Variants in DOCK2 observed in about 807,000 individuals in gnomAD.
DOCK2 encodes dedicator of cytokinesis 2, also known as dedicator of cytokinesis protein 2.
In DOCK2, 87 loss-of-function variants were observed where a neutral mutation model predicts 248.9. The observed-to-expected ratio is 0.35, with a 90% CI of 0.29 to 0.42. The LOEUF (loss-of-function observed/expected upper bound fraction) is 0.42. Among genes scored for constraint, DOCK2 ranks in the 10% least tolerant of loss-of-function variants. DOCK2 has a pLI of 1.00. For missense variants in DOCK2, 1,747 were observed against 2,300.2 expected (o/e 0.76, Z 4.92); for synonymous variants, 805 against 821.6 (o/e 0.98, Z 0.35).
chr5:169,713,682 G>C (rs1288049230), intron 17 of DOCK2, among the ~76,000 whole-genome samples: 1 of 152,164 alleles, frequency 6.6e-6, no homozygotes, highest in Non-Finnish European at 1.5e-5. Flanking sequence ...CTTTAAGCTA[G>C]AGTCCTTATT....
chr5:169,795,331 A>G (rs1766578985), intron 25 of DOCK2, among the ~76,000 whole-genome samples: 1 of 152,124 alleles, frequency 6.6e-6, no homozygotes, highest in South Asian at 2.1e-4. Context: ...GAGTTCTAAC[A>G]TTTCTAAATA....
Position 169,867,407 on chromosome 5 carries a change from C to CTCTG in DOCK2, c.2799+26583_2799+26586dup, listed in dbSNP as rs56110833. On this transcript the variant is annotated intron_variant, in intron 27 of 51. Coordinates refer to ENST00000520908, the MANE Select transcript of DOCK2 (RefSeq NM_004946.3). ...AGCCAGGAACCATGGGTGAAAACCT[C>CTCTG]TCTGTCTGTCTGTCTGTCTGTCTGT... 3.3e-3 allele frequency among the ~76,000 whole-genome samples: 492 copies of CTCTG among 149,194 alleles called. 2 individuals carry two copies. The highest frequency in any genetic ancestry group is 0.01 in the African/African-American group (409 of 40,746).
intron 27 of DOCK2, among the ~76,000 whole-genome samples, chr5:169,848,812 A>C (rs1438450756): frequency 1.3e-5 from 2 of 152,210 alleles, no homozygotes; most frequent in Non-Finnish European, 2.9e-5. Context: ...TCAAAAAGAA[A>C]AAAGAAGGAA....
chr5:169,676,298 G>A (rs903911810), intron 6 of DOCK2, among the ~76,000 whole-genome samples: 1 of 152,176 alleles, frequency 6.6e-6, no homozygotes, highest in Non-Finnish European at 1.5e-5. Context: ...CTCTCTGCCT[G>A]TGCCTGGAAC....
intron 1 of DOCK2, among the ~76,000 whole-genome samples, chr5:169,648,009 T>C (rs868686106): frequency 6.6e-6 from 1 of 152,158 alleles, no homozygotes; most frequent in Non-Finnish European, 1.5e-5. Flanking sequence ...CTGATTTGAT[T>C]GATTTCACCA....
chr5:169,976,677 A>G (rs1295475287), intron 27 of DOCK2, among the ~76,000 whole-genome samples: 1 of 152,196 alleles, frequency 6.6e-6, no homozygotes, highest in Non-Finnish European at 1.5e-5. Context: ...GTTTCAAATG[A>G]AGAGTGTGTA....
intron 30 of DOCK2, among the ~76,000 whole-genome samples, chr5:169,998,296 T>A (rs1754717729): frequency 6.6e-6 from 1 of 152,222 alleles, no homozygotes; most frequent in South Asian, 2.1e-4. Context: ...ACATAGTAGG[T>A]CTCCTTGAGG....
intron 25 of DOCK2, among the ~76,000 whole-genome samples, chr5:169,765,089 C>CACAT (rs1764698156): frequency 6.6e-6 from 1 of 151,816 alleles, no homozygotes; most frequent in Non-Finnish European, 1.5e-5. Context: ...CACACACACA[C>CACAT]ACACACACAC....
intron 9 of DOCK2, among the ~76,000 whole-genome samples, chr5:169,690,292 A>G (rs563836794): frequency 1.4e-3 from 209 of 152,214 alleles, no homozygotes; most frequent in Non-Finnish European, 2.5e-3. Context: ...TTTTCACTAC[A>G]TTGCCTGTAT....
At chr5:169,909,456 A>G (rs2113613902) in intron 27 of DOCK2, among the ~76,000 whole-genome samples, 1 of 152,330 alleles carries the variant, frequency 6.6e-6, no homozygotes, top group South Asian at 2.1e-4. Flanking sequence ...CTTTTTGAAG[A>G]AGAAAGTCTA....
At chr5:169,887,922 A>G (rs1258440581) in intron 27 of DOCK2, among the ~76,000 whole-genome samples, 1 of 152,178 alleles carries the variant, frequency 6.6e-6, no homozygotes, top group African/African-American at 2.4e-5. Flanking sequence ...ATTGTTTTTA[A>G]TCATTGCCAA....
At chr5:169,854,791 G>T (rs1770802916) in intron 27 of DOCK2, among the ~76,000 whole-genome samples, 1 of 152,196 alleles carries the variant, frequency 6.6e-6, no homozygotes, top group African/African-American at 2.4e-5. Context: ...CCCAGAGATG[G>T]AAATGACAAT....
chr5:169,868,773 A>G lies in DOCK2; in HGVS notation c.2799+27921A>G, dbSNP rs80139630. Reference sequence around the variant, plus strand: ...TTGTCCCCATCTCAAAAAGAAAATGATATTAATGCTCTGGATGATTCTAGA... The same window carrying G: ...TTGTCCCCATCTCAAAAAGAAAATGGTATTAATGCTCTGGATGATTCTAGA... On this transcript the variant is annotated intron_variant, in intron 27 of 51. Coordinates refer to ENST00000520908, the MANE Select transcript of DOCK2 (RefSeq NM_004946.3). 6.7e-4 allele frequency among the ~76,000 whole-genome samples: 102 copies of G among 152,248 alleles called. 2 individuals are homozygous for G. In the East Asian group the frequency reaches 0.018, roughly 27 times the overall value.
At chr5:169,911,781 G>A (rs995018749) in intron 27 of DOCK2, among the ~76,000 whole-genome samples, 1 of 152,126 alleles carries the variant, frequency 6.6e-6, no homozygotes, top group Non-Finnish European at 1.5e-5. Context: ...GTGGCATATT[G>A]GGTCACCAAG....
At chr5:169,712,699 T>C (rs1010344398) in intron 17 of DOCK2, among the ~76,000 whole-genome samples, 9 of 152,202 alleles carry the variant, frequency 5.9e-5, no homozygotes, top group African/African-American at 2.2e-4. Context: ...TCTCAGTTTC[T>C]TTTTTCTTAA....
chr5:169,720,967 C>A (rs2113570484), intron 22 of DOCK2, among the ~76,000 whole-genome samples: 1 of 152,310 alleles, frequency 6.6e-6, no homozygotes, highest in East Asian at 1.9e-4. Flanking sequence ...CGTGATCTGC[C>A]CACCTCGGCC....
At chr5:169,920,367 A>G (rs1021352358) in intron 27 of DOCK2, among the ~76,000 whole-genome samples, 1 of 152,226 alleles carries the variant, frequency 6.6e-6, no homozygotes, top group Non-Finnish European at 1.5e-5. Flanking sequence ...TTTCAGAAAC[A>G]CCAAGGGGAA....
rs771599778 is a variant in DOCK2 at position 169,698,362 on chromosome 5, T to C, written c.980-12T>C. ...GAAGTTAAACCATTAATTCATTCTG[T>C]CTTCTTTCTAGTTATGGATATAACA... is the stretch of plus-strand genomic sequence containing the variant. On this transcript the variant is annotated splice_polypyrimidine_tract_variant and intron_variant, in intron 10 of 51. Transcript: ENST00000520908. 1.2e-6 allele frequency: 2 copies of C among 1,613,232 alleles called. No individual in the cohort carries two copies. Among genetic ancestry groups the C allele is most frequent in the South Asian group, 1.1e-5 (1 of 91,064 alleles).
chr5:169,942,209 G>A (rs1360020913), intron 27 of DOCK2, among the ~76,000 whole-genome samples: 1 of 152,186 alleles, frequency 6.6e-6, no homozygotes, highest in African/African-American at 2.4e-5. Flanking sequence ...GGGTGATGGA[G>A]AAGGGAGTTT....
Sources: gnomAD v4.1 joint callset for allele counts (sites outside exome capture counted in the v4.1 genomes callset) on GRCh38, gnomAD v4.1.1 for gene constraint, MANE v1.5 for transcripts, NCBI Gene and HGNC (gene_info 2026-07-23, HGNC 2026-07-21) for gene names.